Variants in DGKG observed in about 807,000 individuals in gnomAD.
The protein encoded by DGKG is DAG kinase gamma.
In DGKG, 78 loss-of-function variants were observed where a neutral mutation model predicts 105.3. That is an observed-to-expected ratio of 0.74 (90% CI 0.62 to 0.89). DGKG has a LOEUF of 0.89. Among genes scored for constraint, DGKG ranks in the 40% least tolerant of loss-of-function variants. DGKG has a pLI of 0.00. For synonymous variants in DGKG, 346 were observed against 367.1 expected, an observed-to-expected ratio of 0.94 and a Z score of 0.66; for missense variants, 958 against 1,020.1, an observed-to-expected ratio of 0.94 and a Z score of 0.83.
chr3:186,218,459 G>A lies in DGKG; in HGVS notation c.1827-6574C>T, dbSNP rs528390746. Among the ~76,000 whole-genome samples, 200 of 140,460 alleles carry A rather than the reference G, an allele frequency of 1.4e-3. 1 individual carries two copies. Among genetic ancestry groups the A allele is most frequent in the South Asian group, 2.8e-3 (12 of 4,236 alleles). 92.1% of individuals were successfully genotyped at this position (140,460 alleles called of 152,430 possible). A position where few individuals can be genotyped will look rare whatever the true frequency, so the allele number is the denominator to read the frequency against. On this transcript the variant is annotated intron_variant, in intron 20 of 24. Transcript: ENST00000265022. ...TTGGAGGTTGCAATGAGCCGAGATC[G>A]CGCCACTGCACTCCAGCCTGGCGAC... is the stretch of plus-strand genomic sequence containing the variant.
intron 19 of DGKG, among the ~76,000 whole-genome samples, chr3:186,247,836 A>G (rs1485295506): frequency 6.6e-6 from 1 of 152,184 alleles, no homozygotes; most frequent in Non-Finnish European, 1.5e-5. Context: ...CATAATTGGA[A>G]AGATGAATAG....
rs1720168520 is a variant in DGKG, at chr3:186,231,862, A to T, written c.1826+10642T>A. 6.6e-6 allele frequency among the ~76,000 whole-genome samples: 1 copy of T among 152,182 alleles called. No homozygotes were observed. The highest frequency in any genetic ancestry group is 6.5e-5 in the Admixed American group (1 of 15,278). Reference sequence around the variant, plus strand: ...CTTGAACCCTGAAGGCGGCCATGTCAGTGAGCCGAGATAGAGCCACTGACT... The same window carrying T: ...CTTGAACCCTGAAGGCGGCCATGTCTGTGAGCCGAGATAGAGCCACTGACT... On this transcript the variant is annotated intron_variant, in intron 20 of 24. Coordinates refer to ENST00000265022, the MANE Select transcript of DGKG (RefSeq NM_001346.3). The surrounding 1 kb of genome is among the most constrained non-coding windows in gnomAD (Gnocchi z 4.5).
chr3:186,309,910 A>G (rs1724435431), intron 2 of DGKG, among the ~76,000 whole-genome samples: 1 of 152,152 alleles, frequency 6.6e-6, no homozygotes, highest in African/African-American at 2.4e-5. Flanking sequence ...TGAGGTTTTA[A>G]TAAGAAAAAA....
chr3:186,245,917 AAAAAAC>A (rs1310193601), intron 19 of DGKG, among the ~76,000 whole-genome samples: 1 of 147,520 alleles, frequency 6.8e-6, no homozygotes, highest in African/African-American at 2.7e-5. Flanking sequence ...CAAACAAACA[AAAAAAC>A]AACAACAACA....
At chr3:186,173,972 A>G (rs551190827) in intron 22 of DGKG, among the ~76,000 whole-genome samples, 2 of 152,328 alleles carry the variant, frequency 1.3e-5, no homozygotes, top group Admixed American at 6.5e-5. Flanking sequence ...TTCCCCAGAG[A>G]AACTGACCCT....
At chr3:186,260,599 C>CCAGAGGTGTT in intron 15 of DGKG, 86 bp from the exon 16 acceptor site, 1 of 966,638 alleles carries the variant, frequency 1.0e-6, no homozygotes, top group Non-Finnish European at 1.6e-6. Context: ...GCAAACACCT[C>CCAGAGGTGTT]TGGAGCCCAC....
intron 9 of DGKG, among the ~76,000 whole-genome samples, chr3:186,276,749 T>A (rs1299510718): frequency 1.3e-5 from 2 of 152,214 alleles, no homozygotes; most frequent in East Asian, 3.8e-4. Flanking sequence ...CCTGAACTTT[T>A]CTCATAGGCT....
At chr3:186,299,769 C>CTTTCTT in intron 3 of DGKG, among the ~76,000 whole-genome samples, 1 of 36,060 alleles carries the variant, frequency 2.8e-5, no homozygotes, top group South Asian at 1.1e-3. Context: ...CTTCTTTTCT[C>CTTTCTT]TTTCTTTCTT....
At chr3:186,213,139 G>A (rs1408912537) in intron 20 of DGKG, among the ~76,000 whole-genome samples, 1 of 152,172 alleles carries the variant, frequency 6.6e-6, no homozygotes, top group Non-Finnish European at 1.5e-5. Context: ...CTGACTCTTA[G>A]TATGCATGAA....
At chr3:186,193,776 G>C (rs1718029315) in intron 21 of DGKG, among the ~76,000 whole-genome samples, 1 of 152,200 alleles carries the variant, frequency 6.6e-6, no homozygotes, top group Non-Finnish European at 1.5e-5. Flanking sequence ...TGACGTCATC[G>C]GGCCCCCTCC....
chr3:186,326,419 T>C (rs1725347857), intron 1 of DGKG, among the ~76,000 whole-genome samples: 1 of 150,412 alleles, frequency 6.6e-6, no homozygotes, highest in African/African-American at 2.5e-5. Flanking sequence ...TAGATGTATG[T>C]ACACAGATAC....
chr3:186,167,848 T>C (rs1716625112), intron 22 of DGKG, among the ~76,000 whole-genome samples: 1 of 152,168 alleles, frequency 6.6e-6, no homozygotes, highest in Non-Finnish European at 1.5e-5. Context: ...CACTGTCTTG[T>C]AAGAGTTGGG....
chr3:186,224,944 T>G (rs112668094), intron 20 of DGKG, among the ~76,000 whole-genome samples: 1 of 152,172 alleles, frequency 6.6e-6, no homozygotes, highest in Admixed American at 6.5e-5. Flanking sequence ...GAGACTATAC[T>G]TTTAATTTTT....
In DGKG at chr3:186,161,651, C is replaced by A. The variant is rs1407202623; in HGVS notation, c.2229G>T (p.Leu743=). 1.2e-6 allele frequency: 2 copies of A among 1,614,210 alleles called. No individual in the cohort carries two copies. The highest frequency in any genetic ancestry group is 4.5e-5 in the East Asian group (2 of 44,884). ...GTTCTCCATCCACTTGCATTGGCAG[C>A]AGCTTGTTTGTCCTGGAACCCAGAA... is the stretch of plus-strand genomic sequence containing the variant. ...CASVTIRTNK[L]LPMQVDGEPW... is the part of the protein sequence containing the mutation. The change falls in exon 24 of 25, where the codon CTG becomes CTT. Residue 743 remains leucine, a synonymous_variant. Coordinates refer to ENST00000265022, the MANE Select transcript of DGKG (RefSeq NM_001346.3).
rs60832383 is a variant in DGKG, at chr3:186,326,447, A to ATCTC, written c.-248-5744_-248-5741dup. Among the ~76,000 whole-genome samples the ATCTC allele has an allele frequency of 3.6e-3, 502 of 139,058 alleles. 2 individuals are homozygous for ATCTC. The highest frequency in any genetic ancestry group is 8.9e-3 in the African/African-American group (339 of 37,918). 91.2% of individuals were successfully genotyped at this position (139,058 alleles called of 152,430 possible). A position where few individuals can be genotyped will look rare whatever the true frequency, so the allele number is the denominator to read the frequency against. On this transcript the variant is annotated intron_variant, in intron 1 of 24. Transcript: ENST00000265022. ...ACAGATACACACACACACACCCCTC[A>ATCTC]TCTCTCTCTCTCTCTCTCTCTCTCT...
intron 6 of DGKG, among the ~76,000 whole-genome samples, chr3:186,287,824 C>T (rs1434379437): frequency 1.3e-5 from 2 of 152,214 alleles, no homozygotes; most frequent in Non-Finnish European, 2.9e-5. Flanking sequence ...ACTTCCCTTG[C>T]TTATGTTTAA....
chr3:186,353,588 T>C (rs13096035), intron 1 of DGKG, among the ~76,000 whole-genome samples: 5 of 133,562 alleles, frequency 3.7e-5, no homozygotes, highest in African/African-American at 1.6e-4. Flanking sequence ...TATATATATA[T>C]ATACACACAC....
chr3:186,196,250 G>A (rs1718177330), intron 21 of DGKG, among the ~76,000 whole-genome samples: 1 of 150,820 alleles, frequency 6.6e-6, no homozygotes, highest in Admixed American at 6.6e-5. Flanking sequence ...TGATTCTCCT[G>A]CCTCAGCCTC....
chr3:186,158,723 ATATC>A (rs1716147754), intron 24 of DGKG: 2 of 972,178 alleles, frequency 2.1e-6, no homozygotes, highest in East Asian at 2.3e-4. Context: ...AAGCTTCTCA[ATATC>A]TGTCTGTCAA....
Sources: allele counts gnomAD v4.1 joint callset (sites outside exome capture counted in the v4.1 genomes callset), GRCh38; gene constraint gnomAD v4.1.1; non-coding constraint Gnocchi (gnomAD v3.1); transcripts MANE v1.5; gene names NCBI Gene and HGNC (gene_info 2026-07-23, HGNC 2026-07-21).